Variants in ST8SIA1 observed in about 807,000 individuals in gnomAD.
ST8SIA1 encodes the protein ST8 alpha-N-acetyl-neuraminide alpha-2,8-sialyltransferase 1, also known as alpha-N-acetylneuraminide alpha-2,8-sialyltransferase.
ST8SIA1 carries 16 observed loss-of-function variants against 35.9 expected under a neutral mutation model. The observed-to-expected ratio is 0.45, with a 90% CI of 0.30 to 0.68. ST8SIA1 has a LOEUF of 0.68. Among genes scored for constraint, ST8SIA1 ranks in the 30% least tolerant of loss-of-function variants. The probability of loss-of-function intolerance (pLI) is 0.09; values close to 1 mark genes in which losing one functional copy is unlikely to be tolerated. For synonymous variants in ST8SIA1, 170 were observed against 169.6 expected, an observed-to-expected ratio of 1.00 and a Z score of -0.02; for missense variants, 383 against 453.6, an observed-to-expected ratio of 0.84 and a Z score of 1.41.
chr12:22,239,668 C>T (rs534342101), intron 4 of ST8SIA1, among the ~76,000 whole-genome samples: 2 of 152,246 alleles, frequency 1.3e-5, no homozygotes, highest in African/African-American at 4.8e-5. Context: ...TGATTTTTGT[C>T]TCTGAGAATT....
At chr12:22,215,863 A>G (rs1473625056) in intron 4 of ST8SIA1, among the ~76,000 whole-genome samples, 1 of 152,200 alleles carries the variant, frequency 6.6e-6, no homozygotes, top group Non-Finnish European at 1.5e-5. Flanking sequence ...GGTCAAACAC[A>G]GTTGTTTCCT....
intron 1 of ST8SIA1, among the ~76,000 whole-genome samples, chr12:22,327,089 A>G (rs1866691458): frequency 6.6e-6 from 1 of 152,236 alleles, no homozygotes; most frequent in Admixed American, 6.5e-5. Flanking sequence ...TTGATTATAC[A>G]GTACAGACCA....
At chr12:22,250,264 A>G (rs1450281492) in intron 3 of ST8SIA1, among the ~76,000 whole-genome samples, 2 of 152,222 alleles carry the variant, frequency 1.3e-5, no homozygotes, top group East Asian at 3.8e-4. Flanking sequence ...CAGTTTCTCC[A>G]TTATACAAAA....
intron 4 of ST8SIA1, among the ~76,000 whole-genome samples, chr12:22,238,169 C>A (rs1006267751): frequency 3.9e-5 from 6 of 152,112 alleles, no homozygotes; most frequent in Admixed American, 3.9e-4. Flanking sequence ...GAACTCCCCC[C>A]CCAACAAGAG....
chr12:22,316,232 A>C (rs1453438536), intron 1 of ST8SIA1, among the ~76,000 whole-genome samples: 1 of 152,176 alleles, frequency 6.6e-6, no homozygotes, highest in African/African-American at 2.4e-5. Context: ...ATTCTGACAA[A>C]GAAACAGTGA....
At chr12:22,321,040 G>A (rs547590721) in intron 1 of ST8SIA1, among the ~76,000 whole-genome samples, 1 of 73,982 alleles carries the variant, frequency 1.4e-5, no homozygotes, top group Non-Finnish European at 3.2e-5. Context: ...GAAAGAGAAA[G>A]AGAAAGAAAA....
At chr12:22,249,985 T>C (rs1865651684) in intron 3 of ST8SIA1, among the ~76,000 whole-genome samples, 1 of 152,194 alleles carries the variant, frequency 6.6e-6, no homozygotes, top group African/African-American at 2.4e-5. Flanking sequence ...GTAGGCTGAT[T>C]ACTGGTGAAG....
Position 22,255,373 on chromosome 12 carries a change from A to G in ST8SIA1, c.398T>C (p.Leu133Pro). Residue 133 changes from leucine to proline, a missense_variant, in exon 3 of 5, where the codon CTG (leucine) becomes CCG (proline). Leu to Pro is a moderately conservative substitution (Grantham distance 98). Transcript: ENST00000396037. ...CACCACCGCGCATTTCTTCAATGGC[A>G]GCTGGAATGGGGTTGCCTAGCAACA... ...SLFPQATPFQ[L>P]PLKKCAVVGN... The G allele has an allele frequency of 6.2e-7, 1 of 1,614,154 alleles. No individual in the cohort carries two copies. Among genetic ancestry groups the G allele is most frequent in the Non-Finnish European group, 8.5e-7 (1 of 1,179,990 alleles).
chr12:22,289,168 AC>A (rs1866143552), intron 1 of ST8SIA1, among the ~76,000 whole-genome samples: 1 of 152,182 alleles, frequency 6.6e-6, no homozygotes, highest in Admixed American at 6.5e-5. Flanking sequence ...GAGCATTATC[AC>A]CAGCACGATG....
chr12:22,249,428 T>G (rs191583831), intron 3 of ST8SIA1, among the ~76,000 whole-genome samples: 1,882 of 152,144 alleles, frequency 0.012, 22 homozygotes, highest in South Asian at 0.022. Flanking sequence ...CACCGTGTTA[T>G]CCAGGACGGT....
At chr12:22,330,313 A>G (rs1866745416) in intron 1 of ST8SIA1, among the ~76,000 whole-genome samples, 1 of 152,186 alleles carries the variant, frequency 6.6e-6, no homozygotes, top group South Asian at 2.1e-4. Context: ...TATTAAACAG[A>G]GCTATGTGGC....
At chr12:22,273,142 G>A (rs1311461063) in intron 2 of ST8SIA1, among the ~76,000 whole-genome samples, 1 of 152,098 alleles carries the variant, frequency 6.6e-6, no homozygotes, top group East Asian at 1.9e-4. Context: ...AGGTCCTGGC[G>A]AAACCCCACC....
chr12:22,327,944 T>C (rs1323258786), intron 1 of ST8SIA1, among the ~76,000 whole-genome samples: 1 of 152,234 alleles, frequency 6.6e-6, no homozygotes, highest in Non-Finnish European at 1.5e-5. Context: ...ATCCTGTCGA[T>C]AGGGCAGGTT....
intron 3 of ST8SIA1, among the ~76,000 whole-genome samples, chr12:22,252,726 T>C (rs1865687923): frequency 6.6e-6 from 1 of 152,210 alleles, no homozygotes; most frequent in East Asian, 1.9e-4. Context: ...GCTAAAAAAG[T>C]CTTGTTTACT....
intron 4 of ST8SIA1, among the ~76,000 whole-genome samples, chr12:22,236,451 T>G (rs1307530353): frequency 6.6e-6 from 1 of 152,232 alleles, no homozygotes; most frequent in Non-Finnish European, 1.5e-5. Flanking sequence ...TCACTGAAAT[T>G]GCAACTCACT....
At chr12:22,257,412 T>G (rs1293986526) in intron 2 of ST8SIA1, among the ~76,000 whole-genome samples, 1 of 138,290 alleles carries the variant, frequency 7.2e-6, no homozygotes, top group African/African-American at 2.7e-5. Context: ...TTAGTAGAGA[T>G]AGGGTTTCAC....
At chr12:22,281,846 A>C (rs1866040238) in intron 2 of ST8SIA1, among the ~76,000 whole-genome samples, 1 of 151,600 alleles carries the variant, frequency 6.6e-6, no homozygotes, top group African/African-American at 2.4e-5. Context: ...ATACAATAAA[A>C]AAAATACAAA....
chr12:22,285,546 CAT>C (rs1168030222), intron 2 of ST8SIA1, among the ~76,000 whole-genome samples: 1 of 152,168 alleles, frequency 6.6e-6, no homozygotes, highest in African/African-American at 2.4e-5. Context: ...TAATACCAAA[CAT>C]ATAATGCTTT....
At chr12:22,210,615 T>G (rs1239093442) in intron 4 of ST8SIA1, among the ~76,000 whole-genome samples, 2 of 152,188 alleles carry the variant, frequency 1.3e-5, no homozygotes, top group Non-Finnish European at 2.9e-5. Flanking sequence ...CTCCAGAACT[T>G]CTGACCAGCT....
Sources: allele counts gnomAD v4.1 joint callset (sites outside exome capture counted in the v4.1 genomes callset), GRCh38; gene constraint gnomAD v4.1.1; transcripts MANE v1.5; gene names NCBI Gene and HGNC (gene_info 2026-07-23, HGNC 2026-07-21).